COL23A1: variants seen among roughly 807,000 people sequenced by gnomAD.
COL23A1 encodes the protein collagen alpha-1(XXIII) chain.
COL23A1 carries 97 observed loss-of-function variants against 99.3 expected under a neutral mutation model. That is an observed-to-expected ratio of 0.98 (90% CI 0.83 to 1.16). The LOEUF is 1.16. COL23A1 is among the 50% of genes most tolerant of loss of function. COL23A1 has a pLI of 0.00. For missense variants in COL23A1, 762 were observed against 757.4 expected (o/e 1.01, Z -0.07); for synonymous variants, 320 against 308.2 (o/e 1.04, Z -0.40).
At chr5:178,560,661 G>T in intron 2 of COL23A1, 21 bp downstream of exon 2, 1 of 1,607,392 alleles carries the variant, frequency 6.2e-7, no homozygotes, top group South Asian at 1.1e-5. Flanking sequence ...GGAGCCAGAA[G>T]GGAGCTCAAC....
intron 2 of COL23A1, among the ~76,000 whole-genome samples, chr5:178,472,714 A>G (rs1756822905): frequency 1.3e-5 from 2 of 152,178 alleles, no homozygotes; most frequent in Admixed American, 1.3e-4. Context: ...CCAGCATCGC[A>G]CAGCTTGTCA....
intron 2 of COL23A1, among the ~76,000 whole-genome samples, chr5:178,351,508 C>T (rs1761325741): frequency 1.3e-5 from 2 of 152,174 alleles, no homozygotes; most frequent in South Asian, 4.2e-4. Flanking sequence ...GGTGAGCTGC[C>T]ACAGGACCCC....
At chr5:178,373,923 G>A (rs910385584) in intron 2 of COL23A1, among the ~76,000 whole-genome samples, 3 of 152,162 alleles carry the variant, frequency 2.0e-5, no homozygotes, top group Non-Finnish European at 2.9e-5. Flanking sequence ...GCAGGGCCTC[G>A]CCTGAGGAGA....
chr5:178,580,065 C>T (rs1189028353), intron 1 of COL23A1, among the ~76,000 whole-genome samples: 3 of 152,136 alleles, frequency 2.0e-5, no homozygotes, highest in African/African-American at 2.4e-5. Flanking sequence ...TGGTGGCTCA[C>T]ACCTGTAATC....
chr5:178,426,084 G>T (rs1765919463), intron 2 of COL23A1, among the ~76,000 whole-genome samples: 6 of 152,206 alleles, frequency 3.9e-5, no homozygotes, highest in Admixed American at 3.9e-4. Flanking sequence ...TGTCTTTGTA[G>T]AAGTCTCCGT....
At chr5:178,272,483 G>A (rs571673986) in intron 5 of COL23A1, among the ~76,000 whole-genome samples, 1 of 152,202 alleles carries the variant, frequency 6.6e-6, no homozygotes, top group Non-Finnish European at 1.5e-5. Context: ...GGCCATCAGA[G>A]TGATGGCCTG....
At chr5:178,303,393 T>G (rs1052167369) in intron 3 of COL23A1, among the ~76,000 whole-genome samples, 1 of 152,240 alleles carries the variant, frequency 6.6e-6, no homozygotes, top group Non-Finnish European at 1.5e-5. Context: ...AATTCAGATA[T>G]TTCCTGAATA....
chr5:178,259,649 T>G, intron 12 of COL23A1, 72 bp downstream of exon 12: 1 of 1,174,220 alleles, frequency 8.5e-7, no homozygotes, highest in Non-Finnish European at 1.2e-6. Context: ...CCCCATTCCG[T>G]CCCAGCCCCT....
At chr5:178,582,557 C>T (rs1464627274) in intron 1 of COL23A1, among the ~76,000 whole-genome samples, 1 of 152,184 alleles carries the variant, frequency 6.6e-6, no homozygotes. Flanking sequence ...GACAGCGGGG[C>T]ACAGGGCTCA....
chr5:178,368,517 G>A (rs898829003), intron 2 of COL23A1, among the ~76,000 whole-genome samples: 4 of 152,188 alleles, frequency 2.6e-5, no homozygotes, highest in African/African-American at 9.7e-5. Flanking sequence ...GGACGACTGT[G>A]TAATGACACG....
intron 2 of COL23A1, among the ~76,000 whole-genome samples, chr5:178,371,401 G>A (rs1280899843): frequency 1.3e-5 from 2 of 152,182 alleles, no homozygotes; most frequent in East Asian, 1.9e-4. Context: ...CAGGGAGGAC[G>A]ACTGGAGGAG....
At chr5:178,312,148 A>G (rs919374153) in intron 2 of COL23A1, among the ~76,000 whole-genome samples, 1 of 152,192 alleles carries the variant, frequency 6.6e-6, no homozygotes, top group African/African-American at 2.4e-5. Context: ...CCTTGACTGC[A>G]CTTTGAGCAA....
intron 2 of COL23A1, among the ~76,000 whole-genome samples, chr5:178,490,733 TGCCACCGTACTCCA>T (rs1452511317): frequency 9.9e-5 from 15 of 152,274 alleles, no homozygotes; most frequent in African/African-American, 3.4e-4. Context: ...GCTATCACTG[TGCCACCGTACTCCA>T]GCCTGGGTGA....
In COL23A1 at chr5:178,242,026, C is replaced by T. The variant is rs763411183; in HGVS notation, c.1581+16G>A. Reference sequence around the variant, plus strand: ...GGCCAAAAAGACCTGGGGCAGGGCCCTCCTCCGACACCTACCACGGGACAC... The same window carrying T: ...GGCCAAAAAGACCTGGGGCAGGGCCTTCCTCCGACACCTACCACGGGACAC... On this transcript the variant is annotated intron_variant, in intron 27 of 28. Coordinates refer to ENST00000390654, the MANE Select transcript of COL23A1 (RefSeq NM_173465.4). The T allele has an allele frequency of 2.6e-6, 4 of 1,549,016 alleles. No homozygotes were observed. Among genetic ancestry groups the T allele is most frequent in the Non-Finnish European group, 3.5e-6 (4 of 1,144,688 alleles).
chr5:178,382,757 G>A (rs1763451480), intron 2 of COL23A1, among the ~76,000 whole-genome samples: 1 of 152,254 alleles, frequency 6.6e-6, no homozygotes, highest in African/African-American at 2.4e-5. Flanking sequence ...TGAAGAGGGA[G>A]AAGCACAGCT....
intron 2 of COL23A1, among the ~76,000 whole-genome samples, chr5:178,512,779 G>C (rs952104779): frequency 5.9e-5 from 9 of 152,172 alleles, no homozygotes; most frequent in Non-Finnish European, 1.3e-4. Context: ...GGCTTCGTCA[G>C]GACAACAGAG....
intron 2 of COL23A1, among the ~76,000 whole-genome samples, chr5:178,347,288 G>A (rs576848349): frequency 1.3e-5 from 2 of 152,130 alleles, no homozygotes; most frequent in South Asian, 4.1e-4. Flanking sequence ...AAATAGCCAC[G>A]AATGAACCTT....
chr5:178,455,063 T>C (rs1372836932), intron 2 of COL23A1, among the ~76,000 whole-genome samples: 1 of 152,212 alleles, frequency 6.6e-6, no homozygotes, highest in Non-Finnish European at 1.5e-5. Flanking sequence ...GGCCACGCAG[T>C]CTTGTCAGGT....
intron 3 of COL23A1, among the ~76,000 whole-genome samples, chr5:178,292,422 G>A (rs17081042): frequency 0.023 from 3,550 of 152,108 alleles, 118 homozygotes; most frequent in African/African-American, 0.081. Context: ...CTAATTCCTC[G>A]GCTGGCAAAG....
Sources: allele counts gnomAD v4.1 joint callset (sites outside exome capture counted in the v4.1 genomes callset), GRCh38; gene constraint gnomAD v4.1.1; transcripts MANE v1.5; gene names NCBI Gene and HGNC (gene_info 2026-07-23, HGNC 2026-07-21).